The following CREB5 variants were observed in gnomAD, a reference collection of about 807,000 sequenced individuals.
CREB5 encodes cyclic AMP-responsive element-binding protein 5.
CREB5 carries 19 observed loss-of-function variants against 57.1 expected under a neutral mutation model. The ratio of observed to expected loss-of-function variants is 0.33; its 90% CI spans 0.23 to 0.49. The LOEUF (loss-of-function observed/expected upper bound fraction) is 0.49, where lower values mean the gene tolerates loss of function less well. CREB5 is among the 20% of genes least tolerant of loss of function. The pLI is 0.99. For missense variants in CREB5, 579 were observed against 671.6 expected, an observed-to-expected ratio of 0.86 and a Z score of 1.52; for synonymous variants, 238 against 238.3, an observed-to-expected ratio of 1.00 and a Z score of 0.01.
rs574926150 is a variant in CREB5, at chr7:28,501,682, A to G, written c.170-5934A>G. Among the ~76,000 whole-genome samples the G allele has an allele frequency of 2.0e-5, 3 of 152,316 alleles. No homozygotes were observed. In the East Asian group the frequency reaches 5.8e-4, roughly 29 times the overall value. On this transcript the variant is annotated intron_variant, in intron 3 of 10. Coordinates refer to ENST00000357727, the MANE Select transcript of CREB5 (RefSeq NM_182898.4). ...CTTGGGTCCCCTAGCTCACTCGGCC[A>G]GCAGAGACTTGATCTCTTGGTGTTA...
chr7:28,584,460 C>A (rs909282024), intron 5 of CREB5, among the ~76,000 whole-genome samples: 2 of 152,054 alleles, frequency 1.3e-5, no homozygotes, highest in Non-Finnish European at 2.9e-5. Context: ...GACTCAGAGA[C>A]ACACAGGGAG....
intron 7 of CREB5, among the ~76,000 whole-genome samples, chr7:28,780,034 G>T (rs1806879930): frequency 6.6e-6 from 1 of 152,192 alleles, no homozygotes; most frequent in African/African-American, 2.4e-5. Flanking sequence ...CTCCCAAAAT[G>T]TTGGGATTAC....
chr7:28,411,754 T>C (rs2128003153), upstream of CREB5, among the ~76,000 whole-genome samples: 1 of 152,332 alleles, frequency 6.6e-6, no homozygotes, highest in East Asian at 1.9e-4. Context: ...TATAATTAGA[T>C]CTACTTTCTT....
At chr7:28,677,287 G>A (rs562524303) in intron 5 of CREB5, among the ~76,000 whole-genome samples, 10 of 152,230 alleles carry the variant, frequency 6.6e-5, no homozygotes, top group Middle Eastern at 6.8e-3. Flanking sequence ...AATCTCTGGG[G>A]AGTTTTGCTT....
chr7:28,814,659 A>AT (rs1345975716), intron 9 of CREB5, among the ~76,000 whole-genome samples: 1 of 152,090 alleles, frequency 6.6e-6, no homozygotes, highest in Non-Finnish European at 1.5e-5. Context: ...TGCTTGTAGA[A>AT]TAAAAAAAAA....
At chr7:28,613,392 T>G (rs1043139971) in intron 5 of CREB5, among the ~76,000 whole-genome samples, 1 of 152,188 alleles carries the variant, frequency 6.6e-6, no homozygotes, top group Non-Finnish European at 1.5e-5. Flanking sequence ...GTGAAACAAC[T>G]GAGGCTTAAA....
chr7:28,464,013 T>A (rs1279986572), intron 1 of CREB5, among the ~76,000 whole-genome samples: 1 of 152,196 alleles, frequency 6.6e-6, no homozygotes, highest in East Asian at 1.9e-4. Flanking sequence ...GTGTAAAACA[T>A]TCAGTGTTAC....
At chr7:28,427,556 GT>G (rs1171497715) in intron 1 of CREB5, among the ~76,000 whole-genome samples, 1 of 151,986 alleles carries the variant, frequency 6.6e-6, no homozygotes, top group African/African-American at 2.4e-5. Context: ...GACTGAGTTT[GT>G]TTTGGATACG....
At chr7:28,533,894 T>C (rs538132081) in intron 4 of CREB5, among the ~76,000 whole-genome samples, 1 of 152,082 alleles carries the variant, frequency 6.6e-6, no homozygotes, top group African/African-American at 2.4e-5. Flanking sequence ...TTTTTTGAAA[T>C]AAAAACCAAG....
In CREB5 at chr7:28,734,504, T is replaced by C. The variant is rs181811492; in HGVS notation, c.702+10172T>C. Among the ~76,000 whole-genome samples the C allele has an allele frequency of 3.5e-3, 532 of 152,244 alleles. 3 individuals carry two copies. Among genetic ancestry groups the C allele is most frequent in the African/African-American group, 0.012 (502 of 41,580 alleles). The stretch of plus-strand genomic sequence containing the variant: ...TTTAATAATTATCTAATTTATCTTA[T>C]GGGGTTTCACTTAAAAATTTAACTA... On this transcript the variant is annotated intron_variant, in intron 7 of 10. Coordinates refer to ENST00000357727, the MANE Select transcript of CREB5 (RefSeq NM_182898.4).
rs34364190 is a variant in CREB5, at chr7:28,461,231, GAA to G, written c.4-26931_4-26930del. ...GGCAACAGAGTGAGACTCTGCCTCT[GAA>G]AAAAAAAAAAAAGATATAGTCCCCA... On this transcript the variant is annotated intron_variant, in intron 1 of 10. Coordinates refer to ENST00000357727, the MANE Select transcript of CREB5 (RefSeq NM_182898.4). Among the ~76,000 whole-genome samples the G allele has an allele frequency of 5.8e-3, 811 of 140,662 alleles. 4 individuals carry two copies. Among genetic ancestry groups the G allele is most frequent in the African/African-American group, 0.019 (742 of 38,180 alleles). The allele number at this position is 140,662 out of a possible 152,430, so 92.3% of individuals were successfully genotyped here.
At chr7:28,497,038 T>C (rs138482743) in intron 3 of CREB5, among the ~76,000 whole-genome samples, 1 of 152,112 alleles carries the variant, frequency 6.6e-6, no homozygotes. Context: ...CAATTCCCAA[T>C]ATTTAAATTC....
At chr7:28,431,277 A>G (rs938134317) in intron 1 of CREB5, among the ~76,000 whole-genome samples, 1 of 152,200 alleles carries the variant, frequency 6.6e-6, no homozygotes, top group Non-Finnish European at 1.5e-5. Flanking sequence ...GGTCACTGGA[A>G]ACATCTCAAA....
intron 5 of CREB5, among the ~76,000 whole-genome samples, chr7:28,708,025 A>G: frequency 6.6e-6 from 1 of 152,072 alleles, no homozygotes; most frequent in East Asian, 1.9e-4. Context: ...TCTCCCCATG[A>G]TGCCTGACAA....
chr7:28,387,058 A>G (rs1787122369), intron 1 of CREB5, among the ~76,000 whole-genome samples: 1 of 152,186 alleles, frequency 6.6e-6, no homozygotes, highest in East Asian at 1.9e-4. Context: ...GTATCTTTAT[A>G]ATAGAATGAT....
At chr7:28,415,203 G>T (rs1290261175) in intron 1 of CREB5, among the ~76,000 whole-genome samples, 2 of 152,156 alleles carry the variant, frequency 1.3e-5, no homozygotes, top group Non-Finnish European at 2.9e-5. Context: ...TAGGCCTAGA[G>T]ATTCTGATGG....
chr7:28,556,994 C>G (rs1050774285), intron 4 of CREB5, among the ~76,000 whole-genome samples: 2 of 152,208 alleles, frequency 1.3e-5, no homozygotes, highest in Non-Finnish European at 2.9e-5. Context: ...GTCCTGGTAA[C>G]TTCTTCCTTC....
At chr7:28,691,263 T>C (rs1336226223) in intron 5 of CREB5, among the ~76,000 whole-genome samples, 2 of 151,898 alleles carry the variant, frequency 1.3e-5, no homozygotes, top group Non-Finnish European at 2.9e-5. Context: ...CTACTAAAAC[T>C]ACAAAACTTA....
rs143801189 is a variant in CREB5 at position 28,483,683 on chromosome 7, C to T, written c.4-4492C>T. Among the ~76,000 whole-genome samples, 354 of 152,210 alleles carry T rather than the reference C, an allele frequency of 2.3e-3. 3 individuals are homozygous for T. The highest frequency in any genetic ancestry group is 8.1e-3 in the African/African-American group (338 of 41,508). On this transcript the variant is annotated intron_variant, in intron 1 of 10. Coordinates refer to ENST00000357727, the MANE Select transcript of CREB5 (RefSeq NM_182898.4). Reference sequence around the variant, plus strand: ...TTGCTTCATGGGGGTCATACTCAGCCCACATGTGGTTAATAGACTGGACTT... The same window carrying T: ...TTGCTTCATGGGGGTCATACTCAGCTCACATGTGGTTAATAGACTGGACTT...
Sources: allele counts gnomAD v4.1 joint callset (sites outside exome capture counted in the v4.1 genomes callset), GRCh38; gene constraint gnomAD v4.1.1; transcripts MANE v1.5; gene names NCBI Gene and HGNC (gene_info 2026-07-23, HGNC 2026-07-21).